The following NUSAP1 variants were observed in gnomAD, a reference collection of about 807,000 sequenced individuals.
NUSAP1 encodes nucleolar and spindle-associated protein 1.
Under a neutral mutation model 52.8 loss-of-function variants are expected in NUSAP1, and 32 were observed. That is an observed-to-expected ratio of 0.61 (90% CI 0.46 to 0.81). The LOEUF (loss-of-function observed/expected upper bound fraction) is 0.81, where lower values mean the gene tolerates loss of function less well. Ranked by LOEUF, NUSAP1 falls within the 40% of genes least tolerant of loss-of-function variation. The probability of loss-of-function intolerance (pLI) is 0.00; values close to 1 mark genes in which losing one functional copy is unlikely to be tolerated. For synonymous variants in NUSAP1, 195 were observed against 183.1 expected (o/e 1.06, Z -0.52); for missense variants, 499 against 522.3 (o/e 0.96, Z 0.43).
At chr15:41,357,363 G>A (rs559647568) in intron 5 of NUSAP1, among the ~76,000 whole-genome samples, 18 of 151,892 alleles carry the variant, frequency 1.2e-4, no homozygotes, top group African/African-American at 2.4e-4. Context: ...GCAAGACTCC[G>A]TCTCAAAATA....
At chr15:41,340,367 G>A (rs2048329721) in intron 1 of NUSAP1, among the ~76,000 whole-genome samples, 1 of 151,800 alleles carries the variant, frequency 6.6e-6, no homozygotes, top group African/African-American at 2.4e-5. Context: ...TTTTATTTTT[G>A]CATCATAATA....
intron 6 of NUSAP1, among the ~76,000 whole-genome samples, chr15:41,359,062 T>G (rs2049076019): frequency 6.6e-6 from 1 of 152,170 alleles, no homozygotes; most frequent in Admixed American, 6.6e-5. Flanking sequence ...TCTAGCAAGT[T>G]GATGTTATTG....
intron 6 of NUSAP1, among the ~76,000 whole-genome samples, chr15:41,363,897 T>C (rs1334317550): frequency 1.3e-5 from 2 of 152,188 alleles, no homozygotes; most frequent in Non-Finnish European, 2.9e-5. Flanking sequence ...TTCCCTCTTT[T>C]TGTTTTTTGT....
intron 7 of NUSAP1, among the ~76,000 whole-genome samples, chr15:41,370,492 T>G (rs954374498): frequency 2.0e-5 from 3 of 151,872 alleles, no homozygotes; most frequent in Non-Finnish European, 4.4e-5. Flanking sequence ...GGCTCATGCT[T>G]GTAATCCCAG....
At chr15:41,340,279 TTCCTC>T (rs558934926) in intron 1 of NUSAP1, among the ~76,000 whole-genome samples, 325 of 152,208 alleles carry the variant, frequency 2.1e-3, no homozygotes, top group African/African-American at 7.4e-3. Flanking sequence ...TGCTGCCTCT[TTCCTC>T]ATTCACATCT....
At position 41,349,217 on chromosome 15, in the gene NUSAP1, T is replaced by C; in HGVS notation, c.282T>C (p.Thr94=). 3.1e-6 allele frequency: 5 copies of C among 1,613,660 alleles called. No homozygotes were observed. Among genetic ancestry groups the C allele is most frequent in the Non-Finnish European group, 4.2e-6 (5 of 1,179,704 alleles). ...CCAAAACAAGGAGAAGGTGCAAGAC[T>C]GTCCGTGTGGACCCTGACTCACAGG... ...HVTKTRRRCK[T]VRVDPDSQQN... The change falls in exon 3 of 11, where the codon ACT becomes ACC. Residue 94 remains threonine (T), a synonymous_variant. Transcript: ENST00000559596.
chr15:41,337,836 G>A (rs1306975786), intron 1 of NUSAP1, among the ~76,000 whole-genome samples: 2 of 151,774 alleles, frequency 1.3e-5, no homozygotes, highest in East Asian at 3.9e-4. Context: ...TAAATGTGGA[G>A]TGCCCCCAGG....
intron 5 of NUSAP1, among the ~76,000 whole-genome samples, chr15:41,356,626 T>C (rs1156400858): frequency 6.6e-6 from 1 of 152,174 alleles, no homozygotes; most frequent in African/African-American, 2.4e-5. Context: ...GTGCTGGGAT[T>C]CCAGGCGTCA....
chr15:41,374,902 C>T (rs921435607), intron 8 of NUSAP1, among the ~76,000 whole-genome samples: 5 of 151,480 alleles, frequency 3.3e-5, no homozygotes, highest in African/African-American at 7.3e-5. Context: ...AGTGCAATGG[C>T]GCAATCTTGG....
chr15:41,379,308 T>TC (rs59862976), intron 10 of NUSAP1, among the ~76,000 whole-genome samples: 6 of 151,628 alleles, frequency 4.0e-5, no homozygotes, highest in African/African-American at 1.5e-4. Flanking sequence ...TTTTTTTTTT[T>TC]CTTAGAGACA....
At chr15:41,347,432 C>A (rs1480606168) in intron 2 of NUSAP1, among the ~76,000 whole-genome samples, 1 of 152,160 alleles carries the variant, frequency 6.6e-6, no homozygotes, top group Non-Finnish European at 1.5e-5. Flanking sequence ...GCATAATGGC[C>A]TCCTCCCTAA....
intron 5 of NUSAP1, among the ~76,000 whole-genome samples, chr15:41,357,655 G>A (rs2049022278): frequency 6.6e-6 from 1 of 151,946 alleles, no homozygotes. Flanking sequence ...TGTTGGTCAG[G>A]CTGGTCTCGA....
intron 1 of NUSAP1, among the ~76,000 whole-genome samples, chr15:41,339,238 TAGG>T (rs1342912010): frequency 6.6e-6 from 1 of 152,152 alleles, no homozygotes; most frequent in Non-Finnish European, 1.5e-5. Context: ...CTCTTATTTT[TAGG>T]AGATGTGGCT....
At chr15:41,353,595 G>A (rs868466546) in intron 4 of NUSAP1, among the ~76,000 whole-genome samples, 13 of 152,082 alleles carry the variant, frequency 8.5e-5, no homozygotes, top group African/African-American at 3.1e-4. Context: ...TTTAGAAATG[G>A]TATTTCTTGG....
intron 4 of NUSAP1, among the ~76,000 whole-genome samples, chr15:41,353,614 T>C (rs1488767637): frequency 6.6e-6 from 1 of 152,150 alleles, no homozygotes; most frequent in Non-Finnish European, 1.5e-5. Flanking sequence ...GGAAACCCAC[T>C]TGCTTGTAAA....
intron 1 of NUSAP1, among the ~76,000 whole-genome samples, chr15:41,334,023 A>G (rs2048022735): frequency 6.6e-6 from 1 of 152,212 alleles, no homozygotes; most frequent in South Asian, 2.1e-4. Flanking sequence ...CCCACATAAT[A>G]CTGCTATATA....
At chr15:41,360,178 G>A (rs946941795) in intron 6 of NUSAP1, among the ~76,000 whole-genome samples, 2 of 151,584 alleles carry the variant, frequency 1.3e-5, no homozygotes, top group Non-Finnish European at 1.5e-5. Context: ...ACATTGTGTT[G>A]CCCAGGCTGG....
intron 1 of NUSAP1, among the ~76,000 whole-genome samples, chr15:41,336,655 T>TGTTTTTTTTTGTTTGTTTG (rs748827154): frequency 7.1e-6 from 1 of 141,190 alleles, no homozygotes; most frequent in Non-Finnish European, 1.5e-5. Flanking sequence ...TTGGTTTTTT[T>TGTTTTTTTTTGTTTGTTTG]TTTTTTTTTT....
intron 8 of NUSAP1, among the ~76,000 whole-genome samples, chr15:41,372,684 C>T (rs973796361): frequency 6.6e-6 from 1 of 152,152 alleles, no homozygotes; most frequent in African/African-American, 2.4e-5. Context: ...ATAGCTTGAA[C>T]ACAGGGTTTT....
Sources: allele counts gnomAD v4.1 joint callset (sites outside exome capture counted in the v4.1 genomes callset), GRCh38; gene constraint gnomAD v4.1.1; transcripts MANE v1.5; gene names NCBI Gene and HGNC (gene_info 2026-07-23, HGNC 2026-07-21).